Variants in PLCB1 observed in about 807,000 individuals in gnomAD.
The protein encoded by PLCB1 is phospholipase C beta 1, also known as 1-phosphatidylinositol 4,5-bisphosphate phosphodiesterase beta-1.
PLCB1 carries 46 observed loss-of-function variants against 161.8 expected under a neutral mutation model. The observed-to-expected ratio is 0.28, with a 90% confidence interval of 0.22 to 0.36. PLCB1 has a LOEUF of 0.36. PLCB1 is among the 10% of genes least tolerant of loss of function. The pLI is 1.00. For missense variants in PLCB1, 1,016 were observed against 1,472.5 expected, an observed-to-expected ratio of 0.69 and a Z score of 5.07; for synonymous variants, 517 against 503.7, an observed-to-expected ratio of 1.03 and a Z score of -0.35.
At chr20:8,563,341 A>G (rs1210379783) in intron 3 of PLCB1, among the ~76,000 whole-genome samples, 2 of 152,078 alleles carry the variant, frequency 1.3e-5, no homozygotes, top group African/African-American at 4.8e-5. Flanking sequence ...GTTCCCATCT[A>G]TAGACAGGGG....
chr20:8,325,014 G>A (rs1028034323), intron 2 of PLCB1, among the ~76,000 whole-genome samples: 2 of 152,210 alleles, frequency 1.3e-5, no homozygotes, highest in Admixed American at 6.5e-5. Flanking sequence ...GGTTTTTCGG[G>A]TGCTTTTCTT....
chr20:8,701,053 G>C (rs1478363929), intron 11 of PLCB1, among the ~76,000 whole-genome samples: 1 of 152,210 alleles, frequency 6.6e-6, no homozygotes, highest in Non-Finnish European at 1.5e-5. Context: ...GCTGGCACTA[G>C]AGAGTGAGTG....
chr20:8,532,066 A>C (rs1395132941), intron 3 of PLCB1, among the ~76,000 whole-genome samples: 1 of 152,194 alleles, frequency 6.6e-6, no homozygotes, highest in Non-Finnish European at 1.5e-5. Context: ...AGAGGGGCCT[A>C]TTACCTTCTT....
intron 2 of PLCB1, among the ~76,000 whole-genome samples, chr20:8,313,298 G>A (rs112172342): frequency 3.0e-4 from 45 of 152,200 alleles, no homozygotes; most frequent in African/African-American, 9.6e-4. Flanking sequence ...GGCTGGGCTC[G>A]CATGTGCCTG....
intron 11 of PLCB1, among the ~76,000 whole-genome samples, chr20:8,708,231 A>G (rs768863319): frequency 2.6e-5 from 4 of 152,230 alleles, no homozygotes; most frequent in Non-Finnish European, 1.5e-5. Context: ...AGTTGAGTAT[A>G]TACTGTAATT....
chr20:8,852,153 T>C (rs1986911813), intron 31 of PLCB1, among the ~76,000 whole-genome samples: 1 of 152,268 alleles, frequency 6.6e-6, no homozygotes, highest in Non-Finnish European at 1.5e-5. Flanking sequence ...CTAATTATTC[T>C]GTCATTTCAG....
At chr20:8,756,607 C>T (rs886241359) in intron 23 of PLCB1, among the ~76,000 whole-genome samples, 1 of 152,160 alleles carries the variant, frequency 6.6e-6, no homozygotes, top group Non-Finnish European at 1.5e-5. Flanking sequence ...CCAGGACATC[C>T]TTGACCAGGA....
chr20:8,595,348 G>T, intron 3 of PLCB1, among the ~76,000 whole-genome samples: 1 of 144,564 alleles, frequency 6.9e-6, no homozygotes, highest in East Asian at 2.1e-4. Context: ...AGAATATGCG[G>T]TGTTTGGTTT....
intron 3 of PLCB1, among the ~76,000 whole-genome samples, chr20:8,463,422 G>A (rs949656091): frequency 4.0e-5 from 6 of 151,440 alleles, no homozygotes; most frequent in African/African-American, 1.5e-4. Flanking sequence ...TACATACCAG[G>A]CAGCTCTAAA....
chr20:8,231,479 T>A (rs1238520747), intron 2 of PLCB1, among the ~76,000 whole-genome samples: 1 of 152,166 alleles, frequency 6.6e-6, no homozygotes, highest in East Asian at 1.9e-4. Flanking sequence ...GAGAGCCTCT[T>A]GAGGTCTGTG....
chr20:8,305,338 AT>A (rs1469656949), intron 2 of PLCB1, among the ~76,000 whole-genome samples: 4 of 152,180 alleles, frequency 2.6e-5, no homozygotes, highest in African/African-American at 7.2e-5. Context: ...AGTTTTTCAT[AT>A]TTTCATAGCC....
chr20:8,289,066 T>C (rs142988159), intron 2 of PLCB1, among the ~76,000 whole-genome samples: 66 of 152,286 alleles, frequency 4.3e-4, no homozygotes, highest in African/African-American at 1.6e-3. Flanking sequence ...CCAACTGTAG[T>C]GGATGCTATC....
In PLCB1 at chr20:8,231,930, A is replaced by G. The variant is rs140506645; in HGVS notation, c.177+81559A>G. Among the ~76,000 whole-genome samples, 1,374 of 152,302 alleles carry G rather than the reference A, an allele frequency of 9.0e-3. 14 individuals carry two copies. The highest frequency in any genetic ancestry group is 0.027 in the Middle Eastern group (8 of 294). ...TATACTGTATATATGTATGTAAAAT[A>G]GCTCTATCTTATGTAACTATTTTAT... On this transcript the variant is annotated intron_variant, in intron 2 of 31. Transcript: ENST00000338037.
chr20:8,839,281 T>C (rs947426246), intron 31 of PLCB1, among the ~76,000 whole-genome samples: 1 of 152,182 alleles, frequency 6.6e-6, no homozygotes, highest in African/African-American at 2.4e-5. Flanking sequence ...TTGCCCCTCC[T>C]AAATCAAAAA....
chr20:8,839,768 G>A (rs1986426081), intron 31 of PLCB1, among the ~76,000 whole-genome samples: 5 of 151,216 alleles, frequency 3.3e-5, no homozygotes, highest in South Asian at 2.1e-4. Context: ...GGCCAGGTGC[G>A]GTGGCTCACG....
chr20:8,688,437 G>C (rs1450184692), intron 10 of PLCB1, among the ~76,000 whole-genome samples: 1 of 152,164 alleles, frequency 6.6e-6, no homozygotes, highest in East Asian at 1.9e-4. Context: ...TGTCTAGAAG[G>C]GTTTTTCTAA....
chr20:8,303,340 A>G (rs1983992654), intron 2 of PLCB1, among the ~76,000 whole-genome samples: 1 of 152,190 alleles, frequency 6.6e-6, no homozygotes, highest in Non-Finnish European at 1.5e-5. Flanking sequence ...TCTTAAAACT[A>G]CCAGAAGAGA....
chr20:8,729,302 A>G (rs1399375641), intron 18 of PLCB1, 128 bp downstream of exon 18: 2 of 776,160 alleles, frequency 2.6e-6, no homozygotes, highest in South Asian at 3.4e-5. Context: ...GCAAATTTCA[A>G]TGAAGGGAAT....
rs3032826 is a variant in PLCB1, at chr20:8,538,795, C to CTTT, written c.247-89485_247-89483dup. On this transcript the variant is annotated intron_variant, in intron 3 of 31. Coordinates refer to ENST00000338037, the MANE Select transcript of PLCB1 (RefSeq NM_015192.4). ...TTCCCCATTTTATTTTTACAGCTAA[C>CTTT]TTTTTTTTTTTTTTTTGAGATGGAG... 3.8e-4 allele frequency among the ~76,000 whole-genome samples: 54 copies of CTTT among 141,658 alleles called. 2 individuals are homozygous for CTTT. Among genetic ancestry groups the CTTT allele is most frequent in the Admixed American group, 1.3e-3 (18 of 14,002 alleles). 92.9% of individuals were successfully genotyped at this position (141,658 alleles called of 152,430 possible). A position where few individuals can be genotyped will look rare whatever the true frequency, so the allele number is the denominator to read the frequency against.
Sources: allele counts gnomAD v4.1 joint callset (sites outside exome capture counted in the v4.1 genomes callset), GRCh38; gene constraint gnomAD v4.1.1; transcripts MANE v1.5; gene names NCBI Gene and HGNC (gene_info 2026-07-23, HGNC 2026-07-21).